DLGAP4: variants seen among roughly 807,000 people sequenced by gnomAD.
The protein encoded by DLGAP4 is DLG associated protein 4, also known as disks large-associated protein 4.
In DLGAP4, 18 loss-of-function variants were observed where a neutral mutation model predicts 86.9. The ratio of observed to expected loss-of-function variants is 0.21; its 90% CI spans 0.14 to 0.31. The LOEUF is 0.31. DLGAP4 is among the 10% of genes least tolerant of loss of function. The pLI is 1.00. For synonymous variants in DLGAP4, 548 were observed against 574.3 expected (o/e 0.95, Z 0.65); for missense variants, 1,085 against 1,362.6 (o/e 0.80, Z 3.21).
At chr20:36,396,356 C>CACATG (rs144783809) in intron 2 of DLGAP4, among the ~76,000 whole-genome samples, 6 of 26,966 alleles carry the variant, frequency 2.2e-4, no homozygotes, top group African/African-American at 5.7e-4. Flanking sequence ...CACACACATA[C>CACATG]CACACGCACA....
chr20:36,499,616 A>T lies in DLGAP4; in HGVS notation c.2039A>T (p.Glu680Val), dbSNP rs1186136949. ...GACTGCATTCAGCCAGTGCCAAAAG[A>T]GGAGCCCAGTCCCGCTACCAAATTC... ...QVDCIQPVPKEEPSPATKFQS... is the reference protein window; with the variant it reads ...QVDCIQPVPKVEPSPATKFQS... The change falls in exon 9 of 13, where the codon GAG becomes GTG. Residue 680 changes from glutamate to valine, a missense_variant. Transcript: ENST00000339266. 4.3e-6 allele frequency: 7 copies of T among 1,613,956 alleles called. No homozygotes were observed. In the East Asian group the frequency reaches 8.9e-5, roughly 21 times the overall value.
rs145004095 is a variant in DLGAP4 at position 36,527,133 on chromosome 20, T to TAGAG, written c.*104_*107dup. ...CAACCTTTGCTATGGTTATTCTGTCTAGAGACCCTGAGCCAACTTTCAAAT... is the reference window on the plus strand; with the variant it reads ...CAACCTTTGCTATGGTTATTCTGTCTAGAGAGAGACCCTGAGCCAACTTTCAAAT... On this transcript the variant is annotated 3_prime_UTR_variant, in exon 13 of 13. Transcript: ENST00000339266. The TAGAG allele has an allele frequency of 3.2e-6, 4 of 1,267,356 alleles. No individual in the cohort carries two copies. The South Asian group carries it at 5.3e-5, about 17-fold the overall frequency. The allele number at this position is 1,267,356 out of a possible 1,614,324, so 78.5% of individuals were successfully genotyped here.
chr20:36,448,510 T>A (rs1442017214), intron 7 of DLGAP4, among the ~76,000 whole-genome samples: 2 of 152,198 alleles, frequency 1.3e-5, no homozygotes, highest in Non-Finnish European at 2.9e-5. Context: ...ACTCCAGGGA[T>A]CTCTTAGGGA....
At chr20:36,362,533 A>G (rs2030554167) in intron 1 of DLGAP4, among the ~76,000 whole-genome samples, 1 of 152,112 alleles carries the variant, frequency 6.6e-6, no homozygotes, top group South Asian at 2.1e-4. Context: ...GGAAAGAGAA[A>G]TGTCACATCT....
chr20:36,380,663 G>A (rs1043028315), intron 2 of DLGAP4, among the ~76,000 whole-genome samples: 2 of 127,504 alleles, frequency 1.6e-5, no homozygotes, highest in African/African-American at 5.9e-5. Flanking sequence ...GAGAGAGAGA[G>A]AATCTCAGAG....
chr20:36,462,113 C>G (rs552957653), intron 7 of DLGAP4: 1 of 1,000,040 alleles, frequency 1.0e-6, no homozygotes, highest in Non-Finnish European at 1.2e-6. Flanking sequence ...TCCTCTGAAC[C>G]CCCATTGCCC....
intron 10 of DLGAP4, among the ~76,000 whole-genome samples, chr20:36,503,225 G>A (rs916367081): frequency 6.6e-6 from 1 of 151,898 alleles, no homozygotes; most frequent in Non-Finnish European, 1.5e-5. Flanking sequence ...TGGCTTTACT[G>A]AGATATAATT....
chr20:36,369,264 A>G (rs1394405950), intron 2 of DLGAP4, among the ~76,000 whole-genome samples: 1 of 152,172 alleles, frequency 6.6e-6, no homozygotes, highest in East Asian at 1.9e-4. Flanking sequence ...CAGAGTGGCC[A>G]CACAGTCATT....
intron 7 of DLGAP4, among the ~76,000 whole-genome samples, chr20:36,458,533 C>T (rs2033941567): frequency 6.6e-6 from 1 of 150,758 alleles, no homozygotes; most frequent in Admixed American, 6.6e-5. Flanking sequence ...GGCAAAACCC[C>T]TCTCTACTAA....
At chr20:36,499,368 TGCCCGCCC>T (rs750985098) in intron 8 of DLGAP4, 43 of 960,034 alleles carry the variant, frequency 4.5e-5, no homozygotes, top group East Asian at 3.2e-4. Flanking sequence ...CCCGCCCACC[TGCCCGCCC>T]GCCCGCCTGC....
In DLGAP4 at chr20:36,499,671, C is replaced by T; in HGVS notation, c.2094C>T (p.Asp698=). Residue 698 remains aspartate (D), a synonymous_variant, in exon 9 of 13, where the codon GAC becomes GAT. Coordinates refer to ENST00000339266, the MANE Select transcript of DLGAP4 (RefSeq NM_001365621.2). ...CCATCGGGGTTCAGGTAGAGGACGA[C>T]TGGCGGTAAGTCGGACAGAGGTGGC... The part of the protein sequence containing the change: ...FQSIGVQVED[D]WRSSVPSHSM... The T allele has an allele frequency of 6.2e-7, 1 of 1,613,568 alleles. No homozygotes were observed. The highest frequency in any genetic ancestry group is 8.5e-7 in the Non-Finnish European group (1 of 1,179,838).
chr20:36,499,353 CACCTCCCG>C, intron 8 of DLGAP4: 1 of 1,601,924 alleles, frequency 6.2e-7, no homozygotes, highest in Admixed American at 1.7e-5. Context: ...CACCCCATCC[CACCTCCCG>C]CCCACCTGCC....
rs565456846 is a variant in DLGAP4 at position 36,467,003 on chromosome 20, C to G, written c.1648+20066C>G. On this transcript the variant is annotated intron_variant, in intron 7 of 12. Coordinates refer to ENST00000339266, the MANE Select transcript of DLGAP4 (RefSeq NM_001365621.2). Reference sequence around the variant, plus strand: ...TCTCTCTCTCTCTGTCTCTGTCTCTCTCTCTCTCTCTCTCCTCTCTCTCTC... The same window carrying G: ...TCTCTCTCTCTCTGTCTCTGTCTCTGTCTCTCTCTCTCTCCTCTCTCTCTC... Among the ~76,000 whole-genome samples, 664 of 140,854 alleles carry G rather than the reference C, an allele frequency of 4.7e-3. 7 individuals are homozygous for G. The highest frequency in any genetic ancestry group is 0.017 in the African/African-American group (610 of 36,542). The allele number at this position is 140,854 out of a possible 152,430, so 92.4% of individuals were successfully genotyped here.
At chr20:36,372,163 T>A (rs2030966484) in intron 2 of DLGAP4, among the ~76,000 whole-genome samples, 1 of 151,960 alleles carries the variant, frequency 6.6e-6, no homozygotes, top group African/African-American at 2.4e-5. Flanking sequence ...CTTAAGTGAG[T>A]AGAAACATGT....
chr20:36,448,122 G>A (rs2033647452), intron 7 of DLGAP4, among the ~76,000 whole-genome samples: 2 of 151,808 alleles, frequency 1.3e-5, no homozygotes, highest in South Asian at 2.1e-4. Context: ...TTGGGGGGCC[G>A]AGGCAGATCA....
At chr20:36,474,222 G>A (rs572635535) in intron 7 of DLGAP4, among the ~76,000 whole-genome samples, 1 of 152,336 alleles carries the variant, frequency 6.6e-6, no homozygotes, top group East Asian at 1.9e-4. Flanking sequence ...TGGATTGGGT[G>A]GGCTGTTTGG....
intron 7 of DLGAP4, among the ~76,000 whole-genome samples, chr20:36,476,275 C>T (rs537066948): frequency 5.3e-5 from 8 of 150,672 alleles, no homozygotes; most frequent in African/African-American, 1.9e-4. Context: ...GCCTATTAAA[C>T]ACTAACTCCC....
intron 10 of DLGAP4, among the ~76,000 whole-genome samples, chr20:36,502,495 A>G (rs771095225): frequency 6.6e-5 from 10 of 152,126 alleles, no homozygotes; most frequent in African/African-American, 9.7e-5. Context: ...GGACTACCAC[A>G]GAGTGCCACC....
At chr20:36,461,469 T>C (rs2034041685) in intron 7 of DLGAP4, 2 of 980,382 alleles carry the variant, frequency 2.0e-6, no homozygotes, top group South Asian at 9.1e-5. Context: ...CCCTCGGGCG[T>C]ACAAAACCGG....
Sources: gnomAD v4.1 joint callset for allele counts (sites outside exome capture counted in the v4.1 genomes callset) on GRCh38, gnomAD v4.1.1 for gene constraint, MANE v1.5 for transcripts, NCBI Gene and HGNC (gene_info 2026-07-23, HGNC 2026-07-21) for gene names.